Variants in KCNQ5 observed in about 807,000 individuals in gnomAD.
KCNQ5 encodes potassium voltage-gated channel subfamily Q member 5.
In KCNQ5, 30 loss-of-function variants were observed where a neutral mutation model predicts 98.2. The ratio of observed to expected loss-of-function variants is 0.31; its 90% CI spans 0.23 to 0.41. The LOEUF (loss-of-function observed/expected upper bound fraction) is 0.41. Among genes scored for constraint, KCNQ5 ranks in the 10% least tolerant of loss-of-function variants. The pLI, the probability that KCNQ5 is intolerant of heterozygous loss-of-function variation, is 1.00. For synonymous variants in KCNQ5, 458 were observed against 449.4 expected (o/e 1.02, Z -0.24); for missense variants, 835 against 1,182.5 (o/e 0.71, Z 4.31).
intron 10 of KCNQ5, among the ~76,000 whole-genome samples, chr6:73,142,436 C>T (rs1005496450): frequency 1.3e-5 from 2 of 151,592 alleles, no homozygotes; most frequent in Non-Finnish European, 2.9e-5. Context: ...CTGCCTTTAA[C>T]GACATGGGTT....
chr6:73,149,884 TA>T (rs1398929047), intron 10 of KCNQ5, among the ~76,000 whole-genome samples: 1 of 148,724 alleles, frequency 6.7e-6, no homozygotes, highest in Admixed American at 6.7e-5. Flanking sequence ...CTCATTGAAT[TA>T]AAAACCTTTG....
At chr6:72,775,699 T>C (rs1773127517) in intron 1 of KCNQ5, among the ~76,000 whole-genome samples, 1 of 152,164 alleles carries the variant, frequency 6.6e-6, no homozygotes, top group Non-Finnish European at 1.5e-5. Flanking sequence ...GTGATGAGAA[T>C]GGCACTTTAC....
At chr6:72,975,002 G>T (rs746970622) in intron 1 of KCNQ5, among the ~76,000 whole-genome samples, 11 of 152,062 alleles carry the variant, frequency 7.2e-5, no homozygotes, top group Non-Finnish European at 1.6e-4. Context: ...CTCCCAAAGT[G>T]CTAGGATTAC....
At chr6:72,922,769 T>C (rs1028105208) in intron 1 of KCNQ5, among the ~76,000 whole-genome samples, 8 of 151,900 alleles carry the variant, frequency 5.3e-5, no homozygotes, top group East Asian at 1.9e-4. Context: ...TAATATTTCA[T>C]TGGGTATATA....
In KCNQ5 at chr6:72,790,033, T is replaced by A. The variant is rs566720013; in HGVS notation, c.398+167446T>A. On this transcript the variant is annotated intron_variant, in intron 1 of 13. Coordinates refer to ENST00000370398, the MANE Select transcript of KCNQ5 (RefSeq NM_019842.4). ...TGCAGCGTCCAAATAGAATTAGAAC[T>A]AGACGCCACTTGTCAAGATAAATGT... Among the ~76,000 whole-genome samples the A allele has an allele frequency of 6.6e-5, 10 of 152,312 alleles. No homozygotes were observed. The South Asian group carries it at 8.3e-4, about 13-fold the overall frequency.
At chr6:72,758,758 G>A (rs2154476912) in intron 1 of KCNQ5, among the ~76,000 whole-genome samples, 1 of 152,226 alleles carries the variant, frequency 6.6e-6, no homozygotes, top group South Asian at 2.1e-4. Context: ...TGCATTCTGT[G>A]TTGCATATTT....
chr6:72,822,675 A>C (rs1345967248), intron 1 of KCNQ5, among the ~76,000 whole-genome samples: 1 of 152,184 alleles, frequency 6.6e-6, no homozygotes, highest in Non-Finnish European at 1.5e-5. Context: ...TAGGACAGCA[A>C]ATCAATCTAT....
intron 1 of KCNQ5, among the ~76,000 whole-genome samples, chr6:72,783,652 G>T (rs1252923446): frequency 1.3e-5 from 2 of 152,110 alleles, no homozygotes; most frequent in African/African-American, 4.8e-5. Context: ...TAGAAAGAAG[G>T]CAGAGCATAT....
intron 1 of KCNQ5, among the ~76,000 whole-genome samples, chr6:72,988,202 TA>T (rs1381735676): frequency 6.6e-6 from 1 of 152,234 alleles, no homozygotes. Flanking sequence ...TTCCTTAATG[TA>T]TTTAATCTTC....
chr6:73,170,576 A>AAAAAG (rs761477987), intron 11 of KCNQ5, among the ~76,000 whole-genome samples: 6 of 151,054 alleles, frequency 4.0e-5, no homozygotes, highest in East Asian at 2.0e-4. Flanking sequence ...CAAAAAAAAA[A>AAAAAG]AAAAGAAAAG....
intron 1 of KCNQ5, among the ~76,000 whole-genome samples, chr6:72,951,697 GT>G (rs1443347675): frequency 1.3e-5 from 2 of 152,084 alleles, no homozygotes; most frequent in African/African-American, 4.8e-5. Flanking sequence ...TGATGATGCT[GT>G]TTTTATTTTA....
intron 1 of KCNQ5, among the ~76,000 whole-genome samples, chr6:72,696,196 T>G (rs1037740831): frequency 6.6e-6 from 1 of 152,172 alleles, no homozygotes; most frequent in Non-Finnish European, 1.5e-5. Context: ...GTTTTAATCA[T>G]GAAAACCTGG....
intron 1 of KCNQ5, chr6:72,987,322 C>T (rs1289269864): frequency 8.5e-6 from 6 of 703,680 alleles, no homozygotes; most frequent in Admixed American, 5.3e-5. Context: ...ATGGACGAGG[C>T]GCACATAGAC....
intron 1 of KCNQ5, among the ~76,000 whole-genome samples, chr6:72,937,044 A>C (rs1225916580): frequency 2.0e-5 from 3 of 152,258 alleles, no homozygotes; most frequent in African/African-American, 7.2e-5. Flanking sequence ...CAAACAAAAT[A>C]GCTAACTTAT....
intron 9 of KCNQ5, among the ~76,000 whole-genome samples, chr6:73,125,706 T>C (rs1775953704): frequency 6.6e-6 from 1 of 152,198 alleles, no homozygotes; most frequent in Admixed American, 6.6e-5. Context: ...GATAAACAAA[T>C]GAAAACATAA....
chr6:73,187,649 AATAAC>A (rs1328196495), intron 11 of KCNQ5, among the ~76,000 whole-genome samples: 1 of 152,192 alleles, frequency 6.6e-6, no homozygotes, highest in Non-Finnish European at 1.5e-5. Flanking sequence ...AGTATATTGA[AATAAC>A]ATAAAAGATA....
chr6:73,185,819 G>A (rs1778551182), intron 11 of KCNQ5, among the ~76,000 whole-genome samples: 1 of 152,234 alleles, frequency 6.6e-6, no homozygotes, highest in Admixed American at 6.5e-5. Context: ...GCCTATAGCA[G>A]TGGAGATGCA....
chr6:72,978,944 T>C (rs941853754), intron 1 of KCNQ5, among the ~76,000 whole-genome samples: 18 of 152,206 alleles, frequency 1.2e-4, no homozygotes, highest in East Asian at 1.9e-4. Flanking sequence ...TTTCTGTCCT[T>C]GTGATAGTTT....
At chr6:72,789,793 G>A (rs950074189) in intron 1 of KCNQ5, among the ~76,000 whole-genome samples, 2 of 152,138 alleles carry the variant, frequency 1.3e-5, no homozygotes, top group African/African-American at 4.8e-5. Flanking sequence ...AGGACACTTA[G>A]TCCCACCTTT....
Sources: allele counts gnomAD v4.1 joint callset (sites outside exome capture counted in the v4.1 genomes callset), GRCh38; gene constraint gnomAD v4.1.1; transcripts MANE v1.5; gene names NCBI Gene and HGNC (gene_info 2026-07-23, HGNC 2026-07-21).